SLC25A12: variants seen among roughly 807,000 people sequenced by gnomAD.
SLC25A12 encodes solute carrier family 25 member 12.
In SLC25A12, 32 loss-of-function variants were observed where a neutral mutation model predicts 83.3. That is an observed-to-expected ratio of 0.38 (90% CI 0.29 to 0.52). SLC25A12 has a LOEUF of 0.52. Ranked by LOEUF, SLC25A12 falls within the 20% of genes least tolerant of loss-of-function variation. The probability of loss-of-function intolerance (pLI) is 0.84; values close to 1 mark genes in which losing one functional copy is unlikely to be tolerated. For missense variants in SLC25A12, 611 were observed against 835.6 expected (o/e 0.73, Z 3.31); for synonymous variants, 267 against 291.1 (o/e 0.92, Z 0.84).
chr2:171,845,493 T>C (rs1684776708), intron 4 of SLC25A12, among the ~76,000 whole-genome samples: 3 of 152,216 alleles, frequency 2.0e-5, no homozygotes, highest in Admixed American at 2.0e-4. Context: ...GAAAGAGTTT[T>C]GCCATCGATA....
At chr2:171,828,144 C>G (rs974297667) in intron 8 of SLC25A12, among the ~76,000 whole-genome samples, 2 of 152,206 alleles carry the variant, frequency 1.3e-5, no homozygotes, top group Non-Finnish European at 2.9e-5. Flanking sequence ...CTTTCAGAGG[C>G]TGTTTCCTAG....
At chr2:171,804,413 C>G (rs1683779873) in intron 13 of SLC25A12, among the ~76,000 whole-genome samples, 1 of 152,118 alleles carries the variant, frequency 6.6e-6, no homozygotes, top group South Asian at 2.1e-4. Context: ...CACCTGCCAC[C>G]ACGCCTGGCT....
chr2:171,834,309 T>C (rs1157495507), intron 7 of SLC25A12: 5 of 474,768 alleles, frequency 1.1e-5, no homozygotes, highest in African/African-American at 7.8e-5. Context: ...ACAATCTCTT[T>C]AGAATCTCCT....
intron 8 of SLC25A12, among the ~76,000 whole-genome samples, chr2:171,830,396 ACAG>A (rs1684405964): frequency 6.6e-6 from 1 of 152,188 alleles, no homozygotes; most frequent in Non-Finnish European, 1.5e-5. Flanking sequence ...ATTTTTGTTC[ACAG>A]TAGATTGACT....
chr2:171,874,061 T>G (rs1685511320), intron 2 of SLC25A12, among the ~76,000 whole-genome samples: 1 of 152,088 alleles, frequency 6.6e-6, no homozygotes, highest in Admixed American at 6.5e-5. Context: ...ACCCCATCTC[T>G]ACTAAAAATA....
chr2:171,825,793 T>C (rs1684288389), intron 9 of SLC25A12, among the ~76,000 whole-genome samples: 1 of 152,214 alleles, frequency 6.6e-6, no homozygotes, highest in East Asian at 1.9e-4. Context: ...TCCTAAGTGC[T>C]ATAGAAGTGG....
intron 8 of SLC25A12, among the ~76,000 whole-genome samples, chr2:171,828,268 A>G (rs1056507348): frequency 6.6e-6 from 1 of 152,204 alleles, no homozygotes; most frequent in Non-Finnish European, 1.5e-5. Context: ...ACTCTTTTCT[A>G]TCTTTCCTAG....
intron 5 of SLC25A12, among the ~76,000 whole-genome samples, chr2:171,843,228 T>C (rs1684717348): frequency 6.6e-6 from 1 of 152,248 alleles, no homozygotes; most frequent in Non-Finnish European, 1.5e-5. Flanking sequence ...ATAGAATACC[T>C]AATGTGTTTT....
chr2:171,862,068 A>T (rs1042867550), intron 3 of SLC25A12, among the ~76,000 whole-genome samples: 20 of 152,244 alleles, frequency 1.3e-4, no homozygotes, highest in African/African-American at 4.1e-4. Flanking sequence ...TGTTAATTTT[A>T]TAATTTGTAA....
At chr2:171,890,606 T>C (rs534154771) in intron 2 of SLC25A12, among the ~76,000 whole-genome samples, 1 of 152,256 alleles carries the variant, frequency 6.6e-6, no homozygotes, top group South Asian at 2.1e-4. Flanking sequence ...CTCAGCCACC[T>C]GAGTAGCTGG....
intron 4 of SLC25A12, among the ~76,000 whole-genome samples, chr2:171,847,637 A>T (rs762889497): frequency 6.6e-6 from 1 of 152,202 alleles, no homozygotes; most frequent in Non-Finnish European, 1.5e-5. Context: ...CTGGCCTGGA[A>T]GAAAGGGAAA....
intron 9 of SLC25A12, 95 bp downstream of exon 9, chr2:171,826,700 ATTT>A (rs1558921357): frequency 1.3e-6 from 1 of 766,434 alleles, no homozygotes; most frequent in South Asian, 1.5e-5. Flanking sequence ...CTGGAAAGTA[ATTT>A]TTAATTTTTA....
intron 16 of SLC25A12, 24 bp downstream of exon 16, chr2:171,787,765 T>A: frequency 2.5e-6 from 4 of 1,613,682 alleles, no homozygotes; most frequent in Non-Finnish European, 3.4e-6. Context: ...CCAGCCATTC[T>A]GTATGGCTCC....
At chr2:171,866,586 G>C (rs1270983549) in intron 3 of SLC25A12, among the ~76,000 whole-genome samples, 1 of 142,954 alleles carries the variant, frequency 7.0e-6, no homozygotes, top group Admixed American at 6.9e-5. Context: ...CCGGGCGGGG[G>C]GCTGACCCCC....
chr2:171,838,561 A>G (rs961976636), intron 5 of SLC25A12, among the ~76,000 whole-genome samples: 3 of 152,172 alleles, frequency 2.0e-5, no homozygotes, highest in Non-Finnish European at 2.9e-5. Context: ...TCACCCAGAA[A>G]TATCAAATGG....
intron 4 of SLC25A12, chr2:171,852,534 A>C (rs1684955048): frequency 3.1e-6 from 1 of 325,172 alleles, no homozygotes; most frequent in South Asian, 2.7e-5. Context: ...CAAACTAGAA[A>C]ACAGAAGGCC....
Position 171,813,429 on chromosome 2 carries a change from C to G in SLC25A12, c.1081G>C (p.Gly361Arg). The stretch of plus-strand genomic sequence containing the variant: ...TACATTAGCTCCCCAACAACAGAGC[C>G]AGAGCCACGCTGGTTTTGCATTCGG... ...KTRMQNQRGS[G>R]SVVGELMYKN... is the part of the protein sequence containing the mutation. Residue 361 changes from glycine to arginine, a missense_variant, in exon 11 of 18, where the codon GGC (glycine) becomes CGC (arginine). By Grantham distance (125) the Gly-to-Arg change is moderately radical. Coordinates refer to ENST00000422440, the MANE Select transcript of SLC25A12 (RefSeq NM_003705.5). 1 of 1,614,060 alleles carries G rather than the reference C, an allele frequency of 6.2e-7. No individual in the cohort carries two copies. The highest frequency in any genetic ancestry group is 8.5e-7 in the Non-Finnish European group (1 of 1,179,964).
intron 3 of SLC25A12, among the ~76,000 whole-genome samples, chr2:171,863,396 T>C (rs368356174): frequency 3.9e-5 from 6 of 152,072 alleles, no homozygotes; most frequent in African/African-American, 1.4e-4. Flanking sequence ...CATGGTGGCA[T>C]GCACCTATAA....
intron 2 of SLC25A12, among the ~76,000 whole-genome samples, chr2:171,870,919 GAGTT>G (rs1280107467): frequency 2.0e-5 from 3 of 151,996 alleles, no homozygotes; most frequent in East Asian, 3.9e-4. Context: ...AATAAGAAAA[GAGTT>G]AGGCCAGGCA....
Sources: gnomAD v4.1 joint callset for allele counts (sites outside exome capture counted in the v4.1 genomes callset) on GRCh38, gnomAD v4.1.1 for gene constraint, MANE v1.5 for transcripts, NCBI Gene and HGNC (gene_info 2026-07-23, HGNC 2026-07-21) for gene names.